The following EYA1 variants were observed in gnomAD, a reference collection of about 807,000 sequenced individuals.
EYA1 encodes protein phosphatase EYA1.
A neutral mutation model predicts 82.0 loss-of-function variants in EYA1; 16 were observed. The ratio of observed to expected loss-of-function variants is 0.20; its 90% CI spans 0.13 to 0.30. The LOEUF (loss-of-function observed/expected upper bound fraction) is 0.30. Ranked by LOEUF, EYA1 falls within the 10% of genes least tolerant of loss-of-function variation. EYA1 has a pLI of 1.00. For missense variants in EYA1, 633 were observed against 730.7 expected (o/e 0.87, Z 1.54); for synonymous variants, 261 against 264.4 (o/e 0.99, Z 0.12).
At chr8:71,440,175 C>T (rs1390470262) in intron 2 of EYA1, among the ~76,000 whole-genome samples, 1 of 152,112 alleles carries the variant, frequency 6.6e-6, no homozygotes, top group Non-Finnish European at 1.5e-5. Context: ...GGACTGCTCG[C>T]TCTGGCTGGA....
chr8:71,373,667 C>T (rs28781298), intron 2 of EYA1, among the ~76,000 whole-genome samples: 2 of 152,036 alleles, frequency 1.3e-5, no homozygotes, highest in African/African-American at 4.8e-5. Flanking sequence ...CCATAAAAGT[C>T]TCCAAATAGC....
intron 2 of EYA1, among the ~76,000 whole-genome samples, chr8:71,434,295 C>T (rs1331021135): frequency 3.9e-5 from 6 of 152,088 alleles, no homozygotes; most frequent in African/African-American, 9.7e-5. Context: ...TATAGGGACA[C>T]CAATGTTTCC....
In EYA1 at chr8:71,361,702, TTAGCAAACCTCCATTCCTGACA is replaced by T. The variant is rs1271385569; in HGVS notation, c.-132_-111del. On this transcript the variant is annotated 5_prime_UTR_variant, in exon 1 of 18. An upstream start codon of the reference 5' UTR is lost. Coordinates refer to ENST00000340726, the MANE Select transcript of EYA1 (RefSeq NM_000503.6). ...AATGTGTTCCTTCGAATTTTCTGGG[TTAGCAAACCTCCATTCCTGACA>T]TAGTTTTGCTCCTGGATGGGTACGC... is the stretch of plus-strand genomic sequence containing the variant. 3.0e-6 allele frequency: 3 copies of T among 985,382 alleles called. No individual in the cohort carries two copies. In the African/African-American group the frequency reaches 5.2e-5, roughly 17 times the overall value. 61.0% of individuals were successfully genotyped at this position (985,382 alleles called of 1,614,324 possible). A position where few individuals can be genotyped will look rare whatever the true frequency, so the allele number is the denominator to read the frequency against.
chr8:71,417,739 G>C (rs561948595), intron 2 of EYA1, among the ~76,000 whole-genome samples: 1 of 152,276 alleles, frequency 6.6e-6, no homozygotes, highest in South Asian at 2.1e-4. Context: ...TGTCAGCAAT[G>C]CTGAGGTTGA....
intron 17 of EYA1, among the ~76,000 whole-genome samples, chr8:71,206,370 C>A (rs970334514): frequency 6.6e-6 from 1 of 151,906 alleles, no homozygotes; most frequent in African/African-American, 2.4e-5. Flanking sequence ...CTACAGGCAG[C>A]ACCACTATGC....
intron 2 of EYA1, among the ~76,000 whole-genome samples, chr8:71,406,180 TAAAAG>T (rs1335706471): frequency 6.6e-6 from 1 of 152,134 alleles, no homozygotes; most frequent in Non-Finnish European, 1.5e-5. Context: ...TAAATGAAGA[TAAAAG>T]AGAGAGATGT....
intron 7 of EYA1, among the ~76,000 whole-genome samples, chr8:71,314,667 T>C (rs544515115): frequency 4.6e-5 from 7 of 152,182 alleles, no homozygotes; most frequent in Non-Finnish European, 7.4e-5. Context: ...TCATTTTGGA[T>C]TTCAGATTTT....
intron 11 of EYA1, among the ~76,000 whole-genome samples, chr8:71,268,826 C>T (rs138834300): frequency 5.9e-5 from 9 of 152,048 alleles, no homozygotes; most frequent in Admixed American, 2.6e-4. Context: ...AACAACCACC[C>T]GGTCAAATTT....
intron 9 of EYA1, among the ~76,000 whole-genome samples, chr8:71,285,783 G>T (rs1818303188): frequency 6.6e-6 from 1 of 152,110 alleles, no homozygotes; most frequent in African/African-American, 2.4e-5. Context: ...TCTGTTCTCT[G>T]GTTCTTATTG....
chr8:71,435,649 C>G (rs1234889627), intron 2 of EYA1, among the ~76,000 whole-genome samples: 2 of 152,024 alleles, frequency 1.3e-5, no homozygotes, highest in Non-Finnish European at 1.5e-5. Flanking sequence ...CTGCTTAAAT[C>G]TCAAACATAC....
intron 4 of EYA1, among the ~76,000 whole-genome samples, chr8:71,327,500 A>T (rs1036769258): frequency 1.3e-5 from 2 of 152,364 alleles, no homozygotes; most frequent in East Asian, 3.9e-4. Flanking sequence ...TTGTTCTTAA[A>T]ATTTAAATCA....
Position 71,321,063 on chromosome 8 carries a change from T to C in EYA1, c.418+671A>G, listed in dbSNP as rs966023595. On this transcript the variant is annotated intron_variant, in intron 6 of 17. Transcript: ENST00000340726. The stretch of plus-strand genomic sequence containing the variant: ...AAAAGGTATTTTGAAATTCTGAAAT[T>C]TTTTTAATTAAGCTTTGGGATTTTG... Among the ~76,000 whole-genome samples the C allele has an allele frequency of 3.9e-5, 6 of 152,322 alleles. No individual in the cohort carries two copies. The East Asian group carries it at 9.6e-4, about 24-fold the overall frequency.
At chr8:71,399,304 G>A (rs1437526821) in intron 2 of EYA1, among the ~76,000 whole-genome samples, 1 of 152,138 alleles carries the variant, frequency 6.6e-6, no homozygotes, top group Non-Finnish European at 1.5e-5. Flanking sequence ...AAGCCCCAGT[G>A]AGATGAATCC....
chr8:71,424,878 G>A (rs528511423), intron 2 of EYA1, among the ~76,000 whole-genome samples: 19 of 152,096 alleles, frequency 1.2e-4, no homozygotes, highest in African/African-American at 3.4e-4. Context: ...AGTAAGAATA[G>A]TCACCAGATC....
intron 2 of EYA1, among the ~76,000 whole-genome samples, chr8:71,470,657 C>G (rs1809117852): frequency 6.6e-6 from 1 of 151,840 alleles, no homozygotes. Flanking sequence ...ATAAAAGAAA[C>G]ATTAATCTGA....
In EYA1 at chr8:71,388,712, A is replaced by G. The variant is rs571012256; in HGVS notation, c.34-32201T>C. Among the ~76,000 whole-genome samples, 17 of 152,232 alleles carry G rather than the reference A, an allele frequency of 1.1e-4. No individual in the cohort carries two copies. The South Asian group carries it at 2.5e-3, about 22-fold the overall frequency. Reference sequence around the variant, plus strand: ...TCTGATGCTGAACCTCTATCACACAATTTTGATCGGGAATAGGAAGTGAGC... The same window carrying G: ...TCTGATGCTGAACCTCTATCACACAGTTTTGATCGGGAATAGGAAGTGAGC... On this transcript the variant is annotated intron_variant, in intron 2 of 18. Coordinates refer to the EYA1 transcript ENST00000643681.
At chr8:71,499,074 C>G (rs760618961) in intron 2 of EYA1, among the ~76,000 whole-genome samples, 3 of 152,148 alleles carry the variant, frequency 2.0e-5, no homozygotes, top group Non-Finnish European at 2.9e-5. Context: ...ACTCAATCAA[C>G]GAGGGTGTGT....
intron 2 of EYA1, among the ~76,000 whole-genome samples, chr8:71,527,032 T>C (rs1487446822): frequency 6.6e-6 from 1 of 152,202 alleles, no homozygotes; most frequent in Non-Finnish European, 1.5e-5. Flanking sequence ...ATAAATAAAA[T>C]TATGGATGCA....
chr8:71,237,875 A>G (rs1012941753), intron 12 of EYA1, among the ~76,000 whole-genome samples: 4 of 152,332 alleles, frequency 2.6e-5, no homozygotes, highest in Admixed American at 6.5e-5. Context: ...ATGAATTTCT[A>G]TAAACTAAAT....
Sources: gnomAD v4.1 joint callset for allele counts (sites outside exome capture counted in the v4.1 genomes callset) on GRCh38, gnomAD v4.1.1 for gene constraint, MANE v1.5 for transcripts, NCBI Gene and HGNC (gene_info 2026-07-23, HGNC 2026-07-21) for gene names.